ERC1: variants seen among roughly 807,000 people sequenced by gnomAD.
ERC1 encodes RAB6 interacting protein 2.
Under a neutral mutation model 132.0 loss-of-function variants are expected in ERC1, and 56 were observed. The ratio of observed to expected loss-of-function variants is 0.42; its 90% CI spans 0.34 to 0.53. The LOEUF (loss-of-function observed/expected upper bound fraction) is 0.53. Ranked by LOEUF, ERC1 falls within the 20% of genes least tolerant of loss-of-function variation. ERC1 has a pLI of 0.03. For missense variants in ERC1, 1,202 were observed against 1,349.9 expected (o/e 0.89, Z 1.72); for synonymous variants, 478 against 476.1 (o/e 1.00, Z -0.05).
In ERC1 at chr12:1,431,111, A is replaced by G. The variant is rs112317021; in HGVS notation, c.3025-13451A>G. Among the ~76,000 whole-genome samples, 6 of 152,330 alleles carry G rather than the reference A, an allele frequency of 3.9e-5. No homozygotes were observed. In the East Asian group the frequency reaches 5.8e-4, roughly 15 times the overall value. ...CAATGAAATAAAGCCTGAAAGTTCT[A>G]TAACCGCTCCGGGGAGAACCACGAG... On this transcript the variant is annotated intron_variant, in intron 17 of 18. Transcript: ENST00000360905.
chr12:1,269,553 A>G (rs992367220), intron 14 of ERC1, among the ~76,000 whole-genome samples: 1 of 152,206 alleles, frequency 6.6e-6, no homozygotes, highest in Admixed American at 6.5e-5. Context: ...AGAGGGCGTG[A>G]CATCATCTGA....
chr12:1,009,416 C>T (rs112974261), intron 1 of ERC1, among the ~76,000 whole-genome samples: 15,293 of 151,978 alleles, frequency 0.1, 894 homozygotes, highest in Admixed American at 0.18. Flanking sequence ...CCTCGTGATC[C>T]GCCCACCTCG....
At chr12:1,234,146 A>C (rs1329703084) in intron 12 of ERC1, among the ~76,000 whole-genome samples, 2 of 152,230 alleles carry the variant, frequency 1.3e-5, no homozygotes, top group African/African-American at 4.8e-5. Flanking sequence ...AGGAGACCTA[A>C]ACAAATAGAT....
chr12:1,459,440 T>C (rs2154420380), intron 18 of ERC1, among the ~76,000 whole-genome samples: 1 of 152,258 alleles, frequency 6.6e-6, no homozygotes, highest in Non-Finnish European at 1.5e-5. Flanking sequence ...ATAGAAATCT[T>C]TGAGTCTGTG....
intron 7 of ERC1, among the ~76,000 whole-genome samples, chr12:1,117,621 G>T (rs1046396583): frequency 6.6e-6 from 1 of 152,264 alleles, no homozygotes; most frequent in Middle Eastern, 3.4e-3. Flanking sequence ...CACTTTTCAC[G>T]TCTGTAAGGT....
chr12:1,297,344 T>G (rs918011203), intron 15 of ERC1, among the ~76,000 whole-genome samples: 1 of 151,520 alleles, frequency 6.6e-6, no homozygotes, highest in Non-Finnish European at 1.5e-5. Flanking sequence ...TGCTAATGAG[T>G]GTTCTTCAAG....
At chr12:1,355,261 C>G (rs2085412488) in intron 15 of ERC1, among the ~76,000 whole-genome samples, 1 of 151,916 alleles carries the variant, frequency 6.6e-6, no homozygotes, top group African/African-American at 2.4e-5. Context: ...ATAATTTTCA[C>G]AAAATGTAAT....
chr12:1,177,221 G>A (rs1168497733), intron 8 of ERC1, among the ~76,000 whole-genome samples: 1 of 152,124 alleles, frequency 6.6e-6, no homozygotes. Context: ...TCAGCAATAA[G>A]GTTGATTTCT....
At position 1,196,806 on chromosome 12, in the gene ERC1, T is replaced by TTCTCTCTCTCTCTCTCTCTCTCTCTC. The variant is rs755412381; in HGVS notation, c.2351+6779_2351+6780insCTCTCTCTCTCTCTCTCTCTCTCTCT. On this transcript the variant is annotated intron_variant, in intron 12 of 18. Coordinates refer to ENST00000360905, the MANE Select transcript of ERC1 (RefSeq NM_178040.4). The stretch of plus-strand genomic sequence containing the variant: ...CACCTGGTGCATGTGCGCACGCTAT[T>TTCTCTCTCTCTCTCTCTCTCTCTCTC]TCTCTCTCTCTCTCTCTCTCTCTCT... Among the ~76,000 whole-genome samples, 86 of 90,336 alleles carry TTCTCTCTCTCTCTCTCTCTCTCTCTC rather than the reference T, an allele frequency of 9.5e-4. 5 individuals are homozygous for TTCTCTCTCTCTCTCTCTCTCTCTCTC. The highest frequency in any genetic ancestry group is 1.4e-3 in the Non-Finnish European group (61 of 43,808). 59.3% of individuals were successfully genotyped at this position (90,336 alleles called of 152,430 possible). A position where few individuals can be genotyped will look rare whatever the true frequency, so the allele number is the denominator to read the frequency against.
At chr12:1,196,405 T>A (rs528627839) in intron 12 of ERC1, among the ~76,000 whole-genome samples, 7 of 152,130 alleles carry the variant, frequency 4.6e-5, no homozygotes, top group Non-Finnish European at 7.4e-5. Flanking sequence ...TTAATGCAGT[T>A]TGTTTAGTTA....
chr12:1,297,839 A>T (rs2080085103), intron 15 of ERC1, among the ~76,000 whole-genome samples: 1 of 152,196 alleles, frequency 6.6e-6, no homozygotes, highest in African/African-American at 2.4e-5. Flanking sequence ...ATGAGTTGGC[A>T]TTTATAATAT....
At chr12:1,316,603 G>A (rs1302073166) in intron 15 of ERC1, among the ~76,000 whole-genome samples, 1 of 152,148 alleles carries the variant, frequency 6.6e-6, no homozygotes, top group Non-Finnish European at 1.5e-5. Context: ...GAGAGGATTT[G>A]GAAAAATAGG....
chr12:1,484,945 A>C (rs1462651978), intron 18 of ERC1, among the ~76,000 whole-genome samples: 3 of 150,730 alleles, frequency 2.0e-5, no homozygotes, highest in African/African-American at 7.3e-5. Flanking sequence ...CAGCAATACA[A>C]TCACATAGCT....
chr12:1,412,033 T>G lies in ERC1; in HGVS notation c.3024+3786T>G, dbSNP rs913472831. ...CACTAATATATTAACTTTCATTGGTTTAACACCATGCAATTGCAATTAGCC... is the reference window on the plus strand; with the variant it reads ...CACTAATATATTAACTTTCATTGGTGTAACACCATGCAATTGCAATTAGCC... On this transcript the variant is annotated intron_variant, in intron 17 of 18. Coordinates refer to ENST00000360905, the MANE Select transcript of ERC1 (RefSeq NM_178040.4). Among the ~76,000 whole-genome samples, 6 of 152,240 alleles carry G rather than the reference T, an allele frequency of 3.9e-5. 1 individual carries two copies. Among genetic ancestry groups the G allele is most frequent in the African/African-American group, 1.4e-4 (6 of 41,460 alleles).
At chr12:1,396,392 G>A (rs2090544787) in intron 16 of ERC1, among the ~76,000 whole-genome samples, 1 of 152,160 alleles carries the variant, frequency 6.6e-6, no homozygotes, top group South Asian at 2.1e-4. Flanking sequence ...ACCAATCATG[G>A]AAAATTGATT....
intron 13 of ERC1, among the ~76,000 whole-genome samples, chr12:1,251,504 A>C (rs913130859): frequency 6.6e-6 from 1 of 152,166 alleles, no homozygotes; most frequent in African/African-American, 2.4e-5. Flanking sequence ...AAAAGTGTGC[A>C]TATAAATCAG....
intron 1 of ERC1, among the ~76,000 whole-genome samples, chr12:1,003,614 T>C (rs1049878208): frequency 2.0e-5 from 3 of 152,208 alleles, no homozygotes; most frequent in African/African-American, 4.8e-5. Context: ...GAGACGTCAT[T>C]GTCTTTTCCC....
At chr12:1,065,275 A>G (rs921762524) in intron 2 of ERC1, among the ~76,000 whole-genome samples, 3 of 152,314 alleles carry the variant, frequency 2.0e-5, no homozygotes, top group African/African-American at 4.8e-5. Flanking sequence ...TGCTGGGATT[A>G]CAGGTGTGAG....
intron 1 of ERC1, among the ~76,000 whole-genome samples, chr12:1,021,778 T>C (rs950270790): frequency 1.3e-4 from 20 of 151,784 alleles, no homozygotes; most frequent in African/African-American, 4.1e-4. Context: ...CTGTGTAGCA[T>C]CCATCTGAGC....
Sources: gnomAD v4.1 joint callset for allele counts (sites outside exome capture counted in the v4.1 genomes callset) on GRCh38, gnomAD v4.1.1 for gene constraint, MANE v1.5 for transcripts, NCBI Gene and HGNC (gene_info 2026-07-23, HGNC 2026-07-21) for gene names.